Variants in GRAMD2A observed in about 807,000 individuals in gnomAD.
The protein encoded by GRAMD2A is GRAM domain-containing protein 2A.
A neutral mutation model predicts 51.1 loss-of-function variants in GRAMD2A; 37 were observed. The observed-to-expected ratio is 0.72, with a 90% CI of 0.56 to 0.95. The LOEUF is 0.95. GRAMD2A is among the 40% of genes least tolerant of loss of function. GRAMD2A has a pLI of 0.00. For missense variants in GRAMD2A, 414 were observed against 426.9 expected, an observed-to-expected ratio of 0.97 and a Z score of 0.27; for synonymous variants, 136 against 157.1, an observed-to-expected ratio of 0.87 and a Z score of 1.01.
At chr15:72,186,995 C>CAAA (rs756016370) in intron 1 of GRAMD2A, among the ~76,000 whole-genome samples, 1 of 109,192 alleles carries the variant, frequency 9.2e-6, no homozygotes, top group Non-Finnish European at 1.9e-5. Flanking sequence ...AATAAAAATA[C>CAAA]AAAAAAAAAA....
chr15:72,180,365 A>G lies in GRAMD2A; in HGVS notation c.42-10426T>C, dbSNP rs534162338. On this transcript the variant is annotated intron_variant, in intron 1 of 11. Coordinates refer to ENST00000309731, the MANE Select transcript of GRAMD2A (RefSeq NM_001012642.3). ...GGCCACTTGGGGCTTGGCCATTTCCAGACAAAAAGCTGGTCATTCAGGTCT... is the reference window on the plus strand; with the variant it reads ...GGCCACTTGGGGCTTGGCCATTTCCGGACAAAAAGCTGGTCATTCAGGTCT... 1.0e-3 allele frequency among the ~76,000 whole-genome samples: 155 copies of G among 152,270 alleles called. 1 individual carries two copies. Among genetic ancestry groups the G allele is most frequent in the Non-Finnish European group, 1.8e-3 (121 of 68,018 alleles).
chr15:72,180,795 G>C (rs1053877738), intron 1 of GRAMD2A, among the ~76,000 whole-genome samples: 12 of 152,190 alleles, frequency 7.9e-5, no homozygotes, highest in Non-Finnish European at 1.6e-4. Flanking sequence ...GGGCCTCAGT[G>C]ACTCCTCTGC....
At chr15:72,186,853 T>G (rs947393161) in intron 1 of GRAMD2A, among the ~76,000 whole-genome samples, 20 of 152,188 alleles carry the variant, frequency 1.3e-4, no homozygotes, top group African/African-American at 4.8e-4. Flanking sequence ...TTGTAACTGA[T>G]AAGTAGGTAC....
intron 11 of GRAMD2A, 96 bp from the exon 12 acceptor site, chr15:72,162,108 T>C: frequency 6.7e-7 from 1 of 1,485,088 alleles, no homozygotes; most frequent in South Asian, 1.1e-5. Context: ...CCCCCAAGAG[T>C]GGGCCAGGGT....
chr15:72,162,396 C>T lies in GRAMD2A; in HGVS notation c.957-19G>A, dbSNP rs766102361. The T allele has an allele frequency of 5.2e-6, 8 of 1,544,778 alleles. No homozygotes were observed. The highest frequency in any genetic ancestry group is 2.3e-5 in the South Asian group (2 of 88,888). ...GCAGATCCTGAAGAAAGCGGCAATA[C>T]GGAGTTAAATATTTCTTCCACAGAA... On this transcript the variant is annotated intron_variant, in intron 10 of 11. Coordinates refer to ENST00000309731, the MANE Select transcript of GRAMD2A (RefSeq NM_001012642.3).
chr15:72,182,373 A>AC (rs1439947263), intron 1 of GRAMD2A, among the ~76,000 whole-genome samples: 47 of 151,680 alleles, frequency 3.1e-4, no homozygotes, highest in African/African-American at 1.1e-3. Flanking sequence ...AAAAAAAAAA[A>AC]AAAAAAAAAA....
chr15:72,166,550 C>T lies in GRAMD2A; in HGVS notation c.543+82G>A, dbSNP rs945398580. 1.2e-5 allele frequency: 12 copies of T among 1,003,688 alleles called. No individual in the cohort carries two copies. Among genetic ancestry groups the T allele is most frequent in the Middle Eastern group, 2.7e-4 (1 of 3,646 alleles). 62.2% of individuals were successfully genotyped at this position (1,003,688 alleles called of 1,614,324 possible). ...CCATTCCCTGTGCTGGAGAGATGGG[C>T]GACCTCCCCCAACACCCTTGTGCAA... On this transcript the variant is annotated intron_variant, in intron 7 of 11. Coordinates refer to ENST00000309731, the MANE Select transcript of GRAMD2A (RefSeq NM_001012642.3). This position sits in a 1 kb window ranked among gnomAD's most constrained non-coding sequence, Gnocchi z 4.1.
chr15:72,164,811 T>C (rs980409478), intron 8 of GRAMD2A, among the ~76,000 whole-genome samples: 8 of 152,096 alleles, frequency 5.3e-5, no homozygotes, highest in Admixed American at 5.2e-4. Flanking sequence ...ACCTGGCCAG[T>C]GTTTTGGTGC....
In GRAMD2A at chr15:72,197,674, C is replaced by T; in HGVS notation, c.41+57G>A. ...GCCGTCCTGCCCCGCGCGGCAGCAG[C>T]CCCTCGCGGCGGCCTCCGGAACCCC... On this transcript the variant is annotated intron_variant, in intron 1 of 11. Transcript: ENST00000309731. 2.4e-6 allele frequency: 3 copies of T among 1,246,878 alleles called. No homozygotes were observed. The South Asian group carries it at 7.4e-5, about 31-fold the overall frequency. The allele number at this position is 1,246,878 out of a possible 1,614,324, so 77.2% of individuals were successfully genotyped here.
At chr15:72,169,189 G>A (rs1371129828) in intron 2 of GRAMD2A, 193 bp from the exon 3 acceptor site, 2 of 613,868 alleles carry the variant, frequency 3.3e-6, no homozygotes, top group Admixed American at 2.6e-5. Context: ...ATCCCTGGGG[G>A]AGGGCACTGC....
chr15:72,189,883 A>G (rs1354507039), intron 1 of GRAMD2A, among the ~76,000 whole-genome samples: 1 of 152,232 alleles, frequency 6.6e-6, no homozygotes, highest in East Asian at 1.9e-4. Context: ...CATGGCTGGA[A>G]TGGCTTAAAA....
At chr15:72,174,411 C>T (rs2081636891) in intron 1 of GRAMD2A, among the ~76,000 whole-genome samples, 1 of 152,218 alleles carries the variant, frequency 6.6e-6, no homozygotes, top group Non-Finnish European at 1.5e-5. Context: ...TGTTCATGCC[C>T]TGTGGGTTGT....
chr15:72,182,436 T>C (rs1265920201), intron 1 of GRAMD2A, among the ~76,000 whole-genome samples: 1 of 145,154 alleles, frequency 6.9e-6, no homozygotes, highest in Non-Finnish European at 1.5e-5. Flanking sequence ...TAAGTGTAAA[T>C]CTTTATGACC....
intron 11 of GRAMD2A, 100 bp from the exon 12 acceptor site, chr15:72,162,112 C>A (rs1596672392): frequency 6.7e-7 from 1 of 1,486,100 alleles, no homozygotes; most frequent in African/African-American, 1.4e-5. Flanking sequence ...CAAGAGTGGG[C>A]CAGGGTGGGA....
At chr15:72,191,706 G>A (rs1045330845) in intron 1 of GRAMD2A, among the ~76,000 whole-genome samples, 2 of 152,196 alleles carry the variant, frequency 1.3e-5, no homozygotes, top group African/African-American at 4.8e-5. Flanking sequence ...GACCGAGACT[G>A]TAGGTCCAAC....
chr15:72,188,849 A>C (rs889192953), intron 1 of GRAMD2A, among the ~76,000 whole-genome samples: 4 of 152,014 alleles, frequency 2.6e-5, no homozygotes, highest in Non-Finnish European at 5.9e-5. Context: ...CAGCCAGCTA[A>C]ATTTTTGTAT....
Position 72,167,060 on chromosome 15 carries a change from G to T in GRAMD2A, c.405C>A (p.Ile135=), listed in dbSNP as rs761079822. ...VVIPVVSVQM[I]KKHKMARLLP... ...GGAGCCGTGCCATCTTGTGTTTTTT[G>T]ATCATTTGCACAGACACCACAGGAA... is the stretch of plus-strand genomic sequence containing the variant. Residue 135 remains isoleucine (I), a synonymous_variant, in exon 6 of 12, where the codon ATC becomes ATA. Transcript: ENST00000309731. 2.5e-6 allele frequency: 4 copies of T among 1,614,006 alleles called. No homozygotes were observed. The East Asian group carries it at 6.7e-5, about 27-fold the overall frequency.
intron 1 of GRAMD2A, among the ~76,000 whole-genome samples, chr15:72,196,597 C>T (rs2081806897): frequency 6.6e-6 from 1 of 152,126 alleles, no homozygotes; most frequent in Admixed American, 6.5e-5. Context: ...TCTACCTCTC[C>T]CAGCAAGGCC....
chr15:72,172,163 G>A (rs903268777), intron 1 of GRAMD2A, among the ~76,000 whole-genome samples: 1 of 151,804 alleles, frequency 6.6e-6, no homozygotes, highest in Non-Finnish European at 1.5e-5. Context: ...CTGTCGCCCA[G>A]GCTACAGTAC....
Sources: gnomAD v4.1 joint callset for allele counts (sites outside exome capture counted in the v4.1 genomes callset) on GRCh38, gnomAD v4.1.1 for gene constraint, Gnocchi (gnomAD v3.1) non-coding constraint, MANE v1.5 for transcripts, NCBI Gene and HGNC (gene_info 2026-07-23, HGNC 2026-07-21) for gene names.